Variants in TIAM2 observed in about 807,000 individuals in gnomAD.
TIAM2 encodes the protein rho guanine nucleotide exchange factor TIAM2.
TIAM2 carries 80 observed loss-of-function variants against 152.9 expected under a neutral mutation model. The ratio of observed to expected loss-of-function variants is 0.52; its 90% CI spans 0.44 to 0.63. TIAM2 has a LOEUF of 0.63. Ranked by LOEUF, TIAM2 falls within the 30% of genes least tolerant of loss-of-function variation. The pLI is 0.00. For synonymous variants in TIAM2, 804 were observed against 838.0 expected (o/e 0.96, Z 0.70); for missense variants, 1,965 against 2,120.1 (o/e 0.93, Z 1.44).
At chr6:155,241,954 G>T (rs991188345) in intron 16 of TIAM2, among the ~76,000 whole-genome samples, 1 of 152,200 alleles carries the variant, frequency 6.6e-6, no homozygotes, top group South Asian at 2.1e-4. Flanking sequence ...GTTGAGAGGA[G>T]AATCGATGTC....
chr6:155,256,891 A>C lies in TIAM2; in HGVS notation c.4876A>C (p.Lys1626Gln), dbSNP rs190860789. The change falls in exon 27 of 27, where the codon AAA becomes CAA. Residue 1626 changes from lysine (K) to glutamine (Q), a missense_variant. By Grantham distance (53) the Lys-to-Gln change is moderately conservative. Around this residue, in one of 3 missense-constraint regions of TIAM2, gnomAD observed 935 missense variants for 980.0 expected, o/e 0.95. Coordinates refer to ENST00000682666, the MANE Select transcript of TIAM2 (RefSeq NM_012454.4). Reference sequence around the variant, plus strand: ...GGGTCAGAAAGGAGGAGAGCAGCCCAAACTGGTCCGGGGGCACTTCTGCCC... The same window carrying C: ...GGGTCAGAAAGGAGGAGAGCAGCCCCAACTGGTCCGGGGGCACTTCTGCCC... Reference protein sequence around the residue: ...GEGQKGGEQPKLVRGHFCPIK... With the variant: ...GEGQKGGEQPQLVRGHFCPIK... 68 of 1,614,264 alleles carry C rather than the reference A, an allele frequency of 4.2e-5. No homozygotes were observed. Among genetic ancestry groups the C allele is most frequent in the Admixed American group, 3.7e-4 (22 of 60,034 alleles).
At chr6:155,054,744 G>A (rs760506886) in intron 1 of TIAM2, among the ~76,000 whole-genome samples, 5 of 151,988 alleles carry the variant, frequency 3.3e-5, no homozygotes, top group Non-Finnish European at 5.9e-5. Flanking sequence ...TAATAGAATC[G>A]TGACCTCAAG....
Position 155,179,434 on chromosome 6 carries a change from G to T in TIAM2, c.2685G>T (p.Lys895Asn). The part of the protein sequence containing the change: ...PLNVYDVQLT[K>N]TGSVCDFGFA... The stretch of plus-strand genomic sequence containing the variant: ...ATGTTTATGACGTGCAGCTCACGAA[G>T]ACTGGGAGTGTGTGTGACTTTGGTG... The change falls in exon 12 of 27, where the codon AAG becomes AAT. Residue 895 changes from lysine to asparagine, a missense_variant. Around this residue, in one of 3 missense-constraint regions of TIAM2, gnomAD observed 1,025 missense variants for 1,119.4 expected, o/e 0.92. Transcript: ENST00000682666. 1 of 1,613,272 alleles carries T rather than the reference G, an allele frequency of 6.2e-7. No individual in the cohort carries two copies. The highest frequency in any genetic ancestry group is 8.5e-7 in the Non-Finnish European group (1 of 1,179,778).
intron 5 of TIAM2, among the ~76,000 whole-genome samples, chr6:155,142,300 C>T (rs1297553724): frequency 2.0e-5 from 3 of 152,068 alleles, no homozygotes; most frequent in African/African-American, 7.2e-5. Context: ...ACTTCCTGGC[C>T]TGGCTCTAAT....
intron 9 of TIAM2, among the ~76,000 whole-genome samples, chr6:155,176,124 G>A (rs1465392582): frequency 6.6e-6 from 1 of 152,234 alleles, no homozygotes; most frequent in Non-Finnish European, 1.5e-5. Flanking sequence ...AATTCAGTGG[G>A]AGGTCAGAGA....
intron 1 of TIAM2, among the ~76,000 whole-genome samples, chr6:155,016,942 T>G (rs548656481): frequency 6.6e-6 from 1 of 152,162 alleles, no homozygotes; most frequent in African/African-American, 2.4e-5. Context: ...TAAAATAACT[T>G]GGGAGGCAGG....
chr6:155,000,066 A>G, intron 1 of TIAM2, among the ~76,000 whole-genome samples: 1 of 152,242 alleles, frequency 6.6e-6, no homozygotes, highest in Non-Finnish European at 1.5e-5. Context: ...AACAATGAAC[A>G]GTAAGAGGAG....
chr6:155,058,129 C>G (rs1777494979), intron 1 of TIAM2, among the ~76,000 whole-genome samples: 1 of 152,188 alleles, frequency 6.6e-6, no homozygotes, highest in Non-Finnish European at 1.5e-5. Context: ...TAAGCCATTT[C>G]TCCAAGGAGC....
intron 20 of TIAM2, 141 bp downstream of exon 20, chr6:155,248,320 C>T (rs1783454682): frequency 1.0e-5 from 10 of 994,548 alleles, no homozygotes; most frequent in Non-Finnish European, 1.4e-5. Flanking sequence ...GATGGTTAAT[C>T]TTAGGTTTCA....
At chr6:155,121,171 TATC>T (rs1205939811) in intron 2 of TIAM2, among the ~76,000 whole-genome samples, 1 of 152,044 alleles carries the variant, frequency 6.6e-6, no homozygotes, top group Admixed American at 6.6e-5. Flanking sequence ...TAAGATCTAA[TATC>T]ATAATATACA....
At chr6:155,003,073 G>A (rs1269027223) in intron 1 of TIAM2, among the ~76,000 whole-genome samples, 2 of 152,100 alleles carry the variant, frequency 1.3e-5, no homozygotes, top group African/African-American at 4.8e-5. Context: ...TTGACAGAAT[G>A]TGTGAAGTGT....
chr6:155,098,308 C>T (rs893880555), intron 2 of TIAM2, among the ~76,000 whole-genome samples: 24 of 152,246 alleles, frequency 1.6e-4, no homozygotes, highest in African/African-American at 5.3e-4. Context: ...AAGCCGTGAG[C>T]ATGGAATATC....
At chr6:155,202,863 C>T (rs1781504953) in intron 14 of TIAM2, among the ~76,000 whole-genome samples, 1 of 140,322 alleles carries the variant, frequency 7.1e-6, no homozygotes, top group Non-Finnish European at 1.5e-5. Context: ...CATGGCAAAA[C>T]CCCATCTCTA....
rs896331264 is a variant in TIAM2 at position 155,186,453 on chromosome 6, C to G, written c.3064+2953C>G. Among the ~76,000 whole-genome samples, 1 of 152,166 alleles carries G rather than the reference C, an allele frequency of 6.6e-6. No homozygotes were observed. Among genetic ancestry groups the G allele is most frequent in the Non-Finnish European group, 1.5e-5 (1 of 68,034 alleles). On this transcript the variant is annotated intron_variant, in intron 14 of 26. Transcript: ENST00000682666. This position sits in a 1 kb window ranked among gnomAD's most constrained non-coding sequence, Gnocchi z 4.5. ...TCCCTACCCCTTCCTTTGGGAATCT[C>G]GGGGTCACCTTCCAAATAAACTTCT...
At chr6:155,109,276 A>G (rs9384285) in intron 2 of TIAM2, among the ~76,000 whole-genome samples, 1 of 149,444 alleles carries the variant, frequency 6.7e-6, no homozygotes, top group Admixed American at 6.6e-5. Flanking sequence ...GAGCCACTGC[A>G]CCCGGCCTTC....
At chr6:155,044,880 T>A (rs994978383) in intron 1 of TIAM2, among the ~76,000 whole-genome samples, 3 of 152,074 alleles carry the variant, frequency 2.0e-5, no homozygotes, top group Non-Finnish European at 4.4e-5. Context: ...CCCTCTCTAT[T>A]AACTTTGTGT....
At chr6:155,045,037 T>A (rs1777137035) in intron 1 of TIAM2, among the ~76,000 whole-genome samples, 1 of 150,096 alleles carries the variant, frequency 6.7e-6, no homozygotes, top group Admixed American at 6.7e-5. Flanking sequence ...AAGCCCTTTT[T>A]CTTTTTCTTT....
chr6:155,065,081 G>A (rs887452625), intron 1 of TIAM2, among the ~76,000 whole-genome samples: 5 of 152,056 alleles, frequency 3.3e-5, no homozygotes, highest in Non-Finnish European at 5.9e-5. Flanking sequence ...AGCTTCCTGA[G>A]TAGCTGGGAC....
chr6:155,172,672 ATATATATATATATATTTTTTTTTT>A (rs1780638660), intron 9 of TIAM2, among the ~76,000 whole-genome samples: 3 of 12,464 alleles, frequency 2.4e-4, no homozygotes, highest in East Asian at 2.1e-3. Context: ...ATATATATAT[ATATATATATATATATTTTTTTTTT>A]TTTTTTTTTT....
Sources: allele counts gnomAD v4.1 joint callset (sites outside exome capture counted in the v4.1 genomes callset), GRCh38; gene constraint gnomAD v4.1.1; regional missense constraint gnomAD v4.1.1; non-coding constraint Gnocchi (gnomAD v3.1); transcripts MANE v1.5; gene names NCBI Gene and HGNC (gene_info 2026-07-23, HGNC 2026-07-21).